Variants in COL25A1 observed in about 807,000 individuals in gnomAD.
The protein encoded by COL25A1 is collagen alpha-1(XXV) chain.
A neutral mutation model predicts 128.4 loss-of-function variants in COL25A1; 103 were observed. The ratio of observed to expected loss-of-function variants is 0.80; its 90% CI spans 0.68 to 0.94. The LOEUF is 0.94. Among genes scored for constraint, COL25A1 ranks in the 40% least tolerant of loss-of-function variants. The probability of loss-of-function intolerance (pLI) is 0.00; values close to 1 mark genes in which losing one functional copy is unlikely to be tolerated. For synonymous variants in COL25A1, 279 were observed against 277.2 expected (o/e 1.01, Z -0.06); for missense variants, 745 against 840.0 (o/e 0.89, Z 1.40).
intron 13 of COL25A1, among the ~76,000 whole-genome samples, chr4:108,903,221 G>C (rs911828086): frequency 4.0e-5 from 6 of 151,716 alleles, no homozygotes; most frequent in African/African-American, 1.5e-4. Context: ...GATTTTTTAT[G>C]TTGCCAATCT....
At chr4:109,191,957 G>T (rs192374144) in intron 3 of COL25A1, among the ~76,000 whole-genome samples, 2 of 152,302 alleles carry the variant, frequency 1.3e-5, no homozygotes, top group Admixed American at 1.3e-4. Flanking sequence ...ATAAAATTAA[G>T]TGCAACAGGA....
chr4:109,226,168 G>A (rs1305877774), intron 3 of COL25A1, among the ~76,000 whole-genome samples: 1 of 152,020 alleles, frequency 6.6e-6, no homozygotes, highest in Non-Finnish European at 1.5e-5. Flanking sequence ...ATAAGTGGGA[G>A]CTAAATAATA....
intron 6 of COL25A1, among the ~76,000 whole-genome samples, chr4:108,987,043 T>A (rs1753720100): frequency 1.3e-5 from 2 of 152,230 alleles, no homozygotes; most frequent in South Asian, 4.1e-4. Context: ...TATTTTCTCC[T>A]CCTTTTGAGA....
At chr4:108,873,841 CTAAGAA>C (rs1200284657) in intron 19 of COL25A1, among the ~76,000 whole-genome samples, 11 of 151,896 alleles carry the variant, frequency 7.2e-5, no homozygotes, top group African/African-American at 2.7e-4. Context: ...GATGAGTTTA[CTAAGAA>C]TGAGTTTTCT....
chr4:108,999,909 T>C (rs1227206032), intron 6 of COL25A1, among the ~76,000 whole-genome samples: 1 of 151,912 alleles, frequency 6.6e-6, no homozygotes, highest in Non-Finnish European at 1.5e-5. Flanking sequence ...AGGTGGGAGA[T>C]GAACAACAAG....
chr4:109,191,467 T>C (rs1487263508), intron 3 of COL25A1, among the ~76,000 whole-genome samples: 1 of 152,142 alleles, frequency 6.6e-6, no homozygotes, highest in Non-Finnish European at 1.5e-5. Flanking sequence ...CTCAAAAGAT[T>C]GAGGGCTTAG....
At chr4:109,108,203 C>T (rs1456676402) in intron 3 of COL25A1, among the ~76,000 whole-genome samples, 2 of 152,140 alleles carry the variant, frequency 1.3e-5, no homozygotes, top group Non-Finnish European at 2.9e-5. Flanking sequence ...ACAACAGGCC[C>T]CGGTGTGTGA....
At chr4:109,038,651 T>C (rs998891467) in intron 5 of COL25A1, among the ~76,000 whole-genome samples, 3 of 152,206 alleles carry the variant, frequency 2.0e-5, no homozygotes, top group African/African-American at 7.2e-5. Context: ...AATGAGCATT[T>C]TTGGATACAA....
intron 3 of COL25A1, among the ~76,000 whole-genome samples, chr4:109,254,364 T>G (rs937852647): frequency 2.0e-5 from 3 of 149,830 alleles, no homozygotes; most frequent in African/African-American, 7.3e-5. Flanking sequence ...GGGGTTTAAA[T>G]CACTTACCCC....
At chr4:108,990,981 G>A (rs1754174170) in intron 6 of COL25A1, among the ~76,000 whole-genome samples, 1 of 152,092 alleles carries the variant, frequency 6.6e-6, no homozygotes, top group South Asian at 2.1e-4. Context: ...TTTTCAGTAG[G>A]CTCAGAATTT....
intron 30 of COL25A1, among the ~76,000 whole-genome samples, chr4:108,842,346 A>AT (rs1734545239): frequency 6.6e-6 from 1 of 152,208 alleles, no homozygotes; most frequent in Non-Finnish European, 1.5e-5. Flanking sequence ...AGCTCTTGTA[A>AT]TAATTGTTTA....
intron 29 of COL25A1, 41 bp from the exon 30 acceptor site, chr4:108,844,610 T>C: frequency 6.3e-7 from 1 of 1,595,650 alleles, no homozygotes; most frequent in South Asian, 1.2e-5. Flanking sequence ...GTTACTTCAT[T>C]TAGATAAGGC....
At chr4:109,288,962 TACACACAC>T (rs3079876) in intron 3 of COL25A1, among the ~76,000 whole-genome samples, 2,170 of 133,578 alleles carry the variant, frequency 0.016, 41 homozygotes, top group African/African-American at 0.051. Context: ...AAATTATATA[TACACACAC>T]ACACACACAC....
At chr4:109,226,559 C>T (rs972019874) in intron 3 of COL25A1, among the ~76,000 whole-genome samples, 2 of 151,910 alleles carry the variant, frequency 1.3e-5, no homozygotes, top group East Asian at 1.9e-4. Context: ...GTTAGGGGTG[C>T]GGGCCATAAT....
chr4:109,129,881 T>G (rs1309066939), intron 3 of COL25A1, among the ~76,000 whole-genome samples: 2 of 152,058 alleles, frequency 1.3e-5, no homozygotes, highest in African/African-American at 4.8e-5. Flanking sequence ...TTAAAAGAAT[T>G]GGGAGATATA....
chr4:109,047,755 CAG>C (rs1420112915), intron 5 of COL25A1, among the ~76,000 whole-genome samples: 32 of 111,250 alleles, frequency 2.9e-4, no homozygotes, highest in African/African-American at 1.1e-3. Flanking sequence ...TTTTTTTAGA[CAG>C]AGTCTCGCTC....
At chr4:108,892,535 T>C (rs1741632546) in intron 16 of COL25A1, among the ~76,000 whole-genome samples, 2 of 152,220 alleles carry the variant, frequency 1.3e-5, no homozygotes, top group African/African-American at 2.4e-5. Context: ...GAGATAACAG[T>C]GAACAATGAA....
rs200137998 is a variant in COL25A1 at position 108,940,531 on chromosome 4, C to T, written c.672+8G>A. The T allele has an allele frequency of 1.8e-4, 289 of 1,609,266 alleles. No individual in the cohort carries two copies. Among genetic ancestry groups the T allele is most frequent in the Admixed American group, 3.8e-4 (23 of 60,012 alleles). On this transcript the variant is annotated splice_region_variant and intron_variant, in intron 10 of 37. Transcript: ENST00000399132. Reference sequence around the variant, plus strand: ...GTGTGAGAATAAGTGATCCAAAAAGCGACTCACGGGTACTCCTGGCATTCC... The same window carrying T: ...GTGTGAGAATAAGTGATCCAAAAAGTGACTCACGGGTACTCCTGGCATTCC...
intron 21 of COL25A1, among the ~76,000 whole-genome samples, 159 bp from the exon 22 acceptor site, chr4:108,862,704 T>C (rs556765855): frequency 3.9e-5 from 6 of 152,354 alleles, no homozygotes; most frequent in Admixed American, 2.6e-4. Flanking sequence ...GTTATTATAA[T>C]ACTAAACATA....
Sources: gnomAD v4.1 joint callset for allele counts (sites outside exome capture counted in the v4.1 genomes callset) on GRCh38, gnomAD v4.1.1 for gene constraint, MANE v1.5 for transcripts, NCBI Gene and HGNC (gene_info 2026-07-23, HGNC 2026-07-21) for gene names.